LOXHD1: variants seen among roughly 807,000 people sequenced by gnomAD.
LOXHD1 encodes the protein lipoxygenase homology domain-containing protein 1.
A neutral mutation model predicts 248.2 loss-of-function variants in LOXHD1; 205 were observed. The ratio of observed to expected loss-of-function variants is 0.83; its 90% CI spans 0.74 to 0.93. The LOEUF is 0.93. LOXHD1 is among the 40% of genes least tolerant of loss of function. LOXHD1 has a pLI of 0.00. For synonymous variants in LOXHD1, 1,113 were observed against 1,162.8 expected (o/e 0.96, Z 0.87); for missense variants, 2,930 against 2,971.6 (o/e 0.99, Z 0.33).
At position 46,566,403 on chromosome 18, in the gene LOXHD1, C is replaced by G. The variant is rs752532078; in HGVS notation, c.2291G>C (p.Ser764Thr). 1 of 1,551,398 alleles carries G rather than the reference C, an allele frequency of 6.4e-7. No individual in the cohort carries two copies. The highest frequency in any genetic ancestry group is 8.7e-7 in the Non-Finnish European group (1 of 1,147,012). The change falls in exon 17 of 41, where the codon AGC becomes ACC. Residue 764 changes from serine to threonine, a missense_variant. Coordinates refer to ENST00000642948, the MANE Select transcript of LOXHD1 (RefSeq NM_001384474.1). ...GATCTGAACGCTGCCCAGGAACCAG[C>G]TGGCATGCATGCCAGTGCTGTCATG... ...IGHDSTGMHA[S>T]WFLGSVQIRV...
At chr18:46,535,690 C>T (rs1337192313) in intron 26 of LOXHD1, among the ~76,000 whole-genome samples, 3 of 152,134 alleles carry the variant, frequency 2.0e-5, no homozygotes, top group South Asian at 2.1e-4. Flanking sequence ...CCTGCCTCAG[C>T]CCCTGGAGTA....
chr18:46,632,317 C>A (rs905334680), intron 4 of LOXHD1, among the ~76,000 whole-genome samples: 2 of 152,140 alleles, frequency 1.3e-5, no homozygotes, highest in African/African-American at 4.8e-5. Context: ...TCCTTGTGGG[C>A]ACTTTGTATG....
intron 34 of LOXHD1, among the ~76,000 whole-genome samples, chr18:46,514,101 T>C (rs940406635): frequency 4.6e-5 from 7 of 152,226 alleles, no homozygotes; most frequent in African/African-American, 1.7e-4. Flanking sequence ...CATCTCTATC[T>C]TGTGGGCATC....
intron 15 of LOXHD1, 40 bp downstream of exon 15, chr18:46,572,046 C>T (rs780001629): frequency 5.9e-6 from 9 of 1,520,696 alleles, no homozygotes; most frequent in African/African-American, 1.4e-5. Flanking sequence ...CCCTGTCTCA[C>T]CAAGGGCACA....
intron 37 of LOXHD1, among the ~76,000 whole-genome samples, chr18:46,494,451 A>G (rs186675414): frequency 1.2e-3 from 186 of 152,368 alleles, no homozygotes; most frequent in Non-Finnish European, 2.0e-3. Flanking sequence ...CTAAGGATTC[A>G]TCTAGGTAAC....
intron 28 of LOXHD1, among the ~76,000 whole-genome samples, chr18:46,529,772 A>G (rs1252261952): frequency 6.6e-6 from 1 of 152,108 alleles, no homozygotes; most frequent in African/African-American, 2.4e-5. Flanking sequence ...TGGTTCACAG[A>G]AAGAAAATAT....
intron 3 of LOXHD1, 42 bp from the exon 4 acceptor site, chr18:46,639,842 G>C: frequency 6.5e-7 from 1 of 1,548,370 alleles, no homozygotes; most frequent in Non-Finnish European, 8.7e-7. Context: ...TGGCAGAACT[G>C]AAACAGCACC....
At chr18:46,476,987 G>T (rs564169064), downstream of LOXHD1, 91 of 581,538 alleles carry the variant, frequency 1.6e-4, no homozygotes, top group African/African-American at 1.4e-3. Context: ...TTGCCACTGG[G>T]TTTATTGAAA....
chr18:46,631,999 C>A (rs925111806), intron 4 of LOXHD1, among the ~76,000 whole-genome samples: 2 of 152,190 alleles, frequency 1.3e-5, no homozygotes, highest in Non-Finnish European at 2.9e-5. Context: ...GGAGCCAACA[C>A]AATCTGAGCA....
At chr18:46,654,396 G>T (rs1443480910) in intron 1 of LOXHD1, among the ~76,000 whole-genome samples, 1 of 152,218 alleles carries the variant, frequency 6.6e-6, no homozygotes, top group African/African-American at 2.4e-5. Flanking sequence ...CAGGAGAGGA[G>T]ATGCCTCCGG....
intron 34 of LOXHD1, 84 bp from the exon 35 acceptor site, chr18:46,509,899 G>T: frequency 1.0e-6 from 1 of 992,428 alleles, no homozygotes; most frequent in Non-Finnish European, 1.6e-6. Flanking sequence ...GCCAGGTTTG[G>T]GGTGAGGGAG....
At chr18:46,608,364 T>G (rs1050214094) in intron 6 of LOXHD1, among the ~76,000 whole-genome samples, 2 of 152,178 alleles carry the variant, frequency 1.3e-5, no homozygotes, top group Non-Finnish European at 2.9e-5. Context: ...TCTTGGCATA[T>G]GAACCTGCCT....
At position 46,639,222 on chromosome 18, in the gene LOXHD1, G is replaced by A. The variant is rs1000742477; in HGVS notation, c.511+394C>T. ...GATTCCTACCCACTATGCCTTGGCT[G>A]TAACTCACCTGCCTTGGGCATCGTA... is the stretch of plus-strand genomic sequence containing the variant. On this transcript the variant is annotated intron_variant, in intron 4 of 40. Transcript: ENST00000642948. Among the ~76,000 whole-genome samples the A allele has an allele frequency of 1.3e-5, 2 of 152,186 alleles. 1 individual carries two copies. The highest frequency in any genetic ancestry group is 4.1e-4 in the South Asian group (2 of 4,830).
chr18:46,648,425 T>C (rs1463040400), intron 2 of LOXHD1, among the ~76,000 whole-genome samples: 5 of 152,210 alleles, frequency 3.3e-5, no homozygotes, highest in Admixed American at 2.6e-4. Flanking sequence ...AGTTTTCAAA[T>C]GTTTCATGGA....
At chr18:46,495,553 T>C (rs1416322020) in intron 37 of LOXHD1, among the ~76,000 whole-genome samples, 3 of 152,212 alleles carry the variant, frequency 2.0e-5, no homozygotes, top group Admixed American at 2.0e-4. Context: ...CACTATTCAA[T>C]GTTAGCACCA....
chr18:46,588,202 G>C (rs1156337418), intron 12 of LOXHD1, among the ~76,000 whole-genome samples: 1 of 151,886 alleles, frequency 6.6e-6, no homozygotes, highest in African/African-American at 2.4e-5. Context: ...AGGACATAGG[G>C]GTGTTCCAAG....
At chr18:46,579,268 C>T (rs894169489) in intron 13 of LOXHD1, among the ~76,000 whole-genome samples, 1 of 152,202 alleles carries the variant, frequency 6.6e-6, no homozygotes, top group Non-Finnish European at 1.5e-5. Flanking sequence ...GCTGCTGCTT[C>T]CCAGTGTCCT....
intron 16 of LOXHD1, among the ~76,000 whole-genome samples, 158 bp downstream of exon 16, chr18:46,569,284 T>G (rs1189033096): frequency 6.6e-6 from 1 of 152,210 alleles, no homozygotes; most frequent in Non-Finnish European, 1.5e-5. Context: ...CACTCACTAT[T>G]CCCAAGTGTG....
In LOXHD1 at chr18:46,579,558, C is replaced by T. The variant is rs548642905; in HGVS notation, c.1809+72G>A. 156 of 1,540,726 alleles carry T rather than the reference C, an allele frequency of 1.0e-4. No individual in the cohort carries two copies. The South Asian group carries it at 1.6e-3, about 16-fold the overall frequency. On this transcript the variant is annotated intron_variant, in intron 13 of 40. Transcript: ENST00000642948. ...CAGCATCAGCTCAACTTTAACAGGG[C>T]AGGGAAGACGAGGGAACATGGGAAG... is the stretch of plus-strand genomic sequence containing the variant.
Sources: allele counts gnomAD v4.1 joint callset (sites outside exome capture counted in the v4.1 genomes callset), GRCh38; gene constraint gnomAD v4.1.1; transcripts MANE v1.5; gene names NCBI Gene and HGNC (gene_info 2026-07-23, HGNC 2026-07-21).